HECW1: variants seen among roughly 807,000 people sequenced by gnomAD.
HECW1 encodes the protein E3 ubiquitin-protein ligase HECW1.
HECW1 carries 61 observed loss-of-function variants against 182.3 expected under a neutral mutation model. The ratio of observed to expected loss-of-function variants is 0.33; its 90% CI spans 0.27 to 0.41. The LOEUF (loss-of-function observed/expected upper bound fraction) is 0.41. Ranked by LOEUF, HECW1 falls within the 10% of genes least tolerant of loss-of-function variation. HECW1 has a pLI of 1.00. For synonymous variants in HECW1, 859 were observed against 832.6 expected, an observed-to-expected ratio of 1.03 and a Z score of -0.55; for missense variants, 1,739 against 2,108.9, an observed-to-expected ratio of 0.82 and a Z score of 3.44.
chr7:43,426,582 T>A (rs1253149987), intron 8 of HECW1, among the ~76,000 whole-genome samples: 1 of 152,220 alleles, frequency 6.6e-6, no homozygotes, highest in Non-Finnish European at 1.5e-5. Context: ...TGTCTTTCAT[T>A]TCCTTTCTTA....
intron 14 of HECW1, among the ~76,000 whole-genome samples, chr7:43,466,236 G>A (rs2077774971): frequency 6.6e-6 from 1 of 152,180 alleles, no homozygotes; most frequent in Non-Finnish European, 1.5e-5. Flanking sequence ...AAGAGATGTT[G>A]GAGGACTTGA....
At chr7:43,365,881 G>A (rs536702457) in intron 6 of HECW1, among the ~76,000 whole-genome samples, 3 of 152,262 alleles carry the variant, frequency 2.0e-5, no homozygotes, top group Non-Finnish European at 4.4e-5. Flanking sequence ...ATCACATGTG[G>A]CCAGGAGTTC....
At chr7:43,197,605 G>C (rs1794587883) in intron 2 of HECW1, among the ~76,000 whole-genome samples, 1 of 152,156 alleles carries the variant, frequency 6.6e-6, no homozygotes, top group African/African-American at 2.4e-5. Context: ...CCCTAAATCT[G>C]TATCAGTCAC....
chr7:43,229,952 C>G (rs1349506057), intron 2 of HECW1, among the ~76,000 whole-genome samples: 1 of 152,204 alleles, frequency 6.6e-6, no homozygotes, highest in Admixed American at 6.5e-5. Context: ...TTTGCACCAG[C>G]CTAATACCTC....
intron 3 of HECW1, among the ~76,000 whole-genome samples, chr7:43,261,793 A>G (rs893796196): frequency 4.2e-4 from 64 of 152,288 alleles, no homozygotes; most frequent in African/African-American, 1.5e-3. Flanking sequence ...GGGCCCATCA[A>G]TGAGTGCTTC....
intron 2 of HECW1, among the ~76,000 whole-genome samples, chr7:43,208,167 T>G (rs1471785488): frequency 6.6e-6 from 1 of 152,218 alleles, no homozygotes; most frequent in Admixed American, 6.5e-5. Context: ...TTCCAGATCT[T>G]TACCTCTTCA....
At chr7:43,371,328 C>T (rs1817334364) in intron 6 of HECW1, among the ~76,000 whole-genome samples, 1 of 152,130 alleles carries the variant, frequency 6.6e-6, no homozygotes, top group Non-Finnish European at 1.5e-5. Context: ...AGGGTAGGCT[C>T]ATCAAGTGTG....
At chr7:43,488,003 A>AAGCC (rs745645379) in intron 17 of HECW1, among the ~76,000 whole-genome samples, 4 of 149,858 alleles carry the variant, frequency 2.7e-5, no homozygotes, top group Admixed American at 6.7e-5. Context: ...GAAAGAAAGA[A>AAGCC]AGCCAGCCAG....
intron 2 of HECW1, among the ~76,000 whole-genome samples, chr7:43,174,082 C>T (rs977774337): frequency 5.3e-5 from 8 of 152,132 alleles, no homozygotes; most frequent in African/African-American, 1.9e-4. Context: ...CTCAAGCAGT[C>T]CTCCCACCTT....
chr7:43,216,413 G>A (rs1256472116), intron 2 of HECW1, among the ~76,000 whole-genome samples: 1 of 152,040 alleles, frequency 6.6e-6, no homozygotes, highest in Non-Finnish European at 1.5e-5. Flanking sequence ...CAAAGTGCTG[G>A]GATTACAGGT....
chr7:43,301,374 C>G (rs1395159732), intron 3 of HECW1, among the ~76,000 whole-genome samples: 1 of 152,234 alleles, frequency 6.6e-6, no homozygotes, highest in African/African-American at 2.4e-5. Flanking sequence ...CAGCATCTCT[C>G]TCCCTTCTAG....
At chr7:43,539,514 A>G (rs2081290311) in intron 24 of HECW1, among the ~76,000 whole-genome samples, 1 of 152,250 alleles carries the variant, frequency 6.6e-6, no homozygotes, top group African/African-American at 2.4e-5. Context: ...TTTTGCTAGA[A>G]AATTTGTAAT....
At chr7:43,275,708 G>GCGCA (rs1554336998) in intron 3 of HECW1, among the ~76,000 whole-genome samples, 10 of 146,014 alleles carry the variant, frequency 6.8e-5, no homozygotes, top group African/African-American at 2.3e-4. Context: ...TTATGCGCAC[G>GCGCA]CACACACACA....
intron 2 of HECW1, among the ~76,000 whole-genome samples, chr7:43,117,178 A>T (rs1011773533): frequency 6.6e-6 from 1 of 152,220 alleles, no homozygotes; most frequent in Non-Finnish European, 1.5e-5. Context: ...CAAAATGTAC[A>T]AAGTGTTTAG....
intron 3 of HECW1, among the ~76,000 whole-genome samples, chr7:43,261,647 A>T (rs1801192427): frequency 6.6e-6 from 1 of 152,120 alleles, no homozygotes. Context: ...GCACACCAGC[A>T]GGGGACAAAC....
At chr7:43,244,777 G>A (rs1418439308) in intron 3 of HECW1, among the ~76,000 whole-genome samples, 1 of 152,156 alleles carries the variant, frequency 6.6e-6, no homozygotes, top group African/African-American at 2.4e-5. Context: ...CTGATGTGAG[G>A]CTTTTCTCTA....
chr7:43,538,495 G>A (rs1201877098), intron 24 of HECW1, among the ~76,000 whole-genome samples: 1 of 152,216 alleles, frequency 6.6e-6, no homozygotes, highest in Non-Finnish European at 1.5e-5. Context: ...AAACTGAGAA[G>A]AGGGAGGTTA....
intron 3 of HECW1, among the ~76,000 whole-genome samples, chr7:43,305,126 G>A (rs1023944341): frequency 2.6e-5 from 4 of 152,132 alleles, no homozygotes; most frequent in African/African-American, 9.7e-5. Context: ...CAGCACAGTC[G>A]CTCAGTCCCT....
At position 43,445,001 on chromosome 7, in the gene HECW1, C is replaced by A. The variant is rs377717656; in HGVS notation, c.1829C>A (p.Pro610Gln). Residue 610 changes from proline to glutamine, a missense_variant, in exon 11 of 30, where the codon CCG becomes CAG. By Grantham distance (76) the Pro-to-Gln change is moderately conservative (BLOSUM62 -1). Transcript: ENST00000395891. ...LSEVDTVAAD[P>Q]SALEEDREEP... ...GAGGTGGACACGGTGGCCGCTGACC[C>A]GTCTGCCCTGGAAGAGGACAGAGAA... is the stretch of plus-strand genomic sequence containing the variant. 1.1e-4 allele frequency: 166 copies of A among 1,555,894 alleles called. No individual in the cohort carries two copies. The highest frequency in any genetic ancestry group is 1.3e-4 in the Non-Finnish European group (152 of 1,149,766).
Sources: allele counts gnomAD v4.1 joint callset (sites outside exome capture counted in the v4.1 genomes callset), GRCh38; gene constraint gnomAD v4.1.1; transcripts MANE v1.5; gene names NCBI Gene and HGNC (gene_info 2026-07-23, HGNC 2026-07-21).